Variants in PLXNB3 observed in about 807,000 individuals in gnomAD.
The protein encoded by PLXNB3 is plexin B3, also known as plexin-B3.
A neutral mutation model predicts 125.7 loss-of-function variants in PLXNB3; 80 were observed. The observed-to-expected ratio is 0.64, with a 90% CI of 0.53 to 0.77. The LOEUF (loss-of-function observed/expected upper bound fraction) is 0.77, where lower values mean the gene tolerates loss of function less well. Among genes scored for constraint, PLXNB3 ranks in the 30% least tolerant of loss-of-function variants. The probability of loss-of-function intolerance (pLI) is 0.00; values close to 1 mark genes in which losing one functional copy is unlikely to be tolerated. For missense variants in PLXNB3, 1,836 were observed against 1,729.3 expected, an observed-to-expected ratio of 1.06 and a Z score of -1.09; for synonymous variants, 954 against 783.3, an observed-to-expected ratio of 1.22 and a Z score of -3.64.
intron 30 of PLXNB3, 24 bp downstream of exon 30, chrX:153,777,404 G>A: frequency 8.4e-7 from 1 of 1,184,706 alleles, no homozygotes; most frequent in Non-Finnish European, 1.1e-6. Context: ...GGGTGGCTGG[G>A]CCTGAGAGGA....
intron 1 of PLXNB3, among the ~76,000 whole-genome samples, chrX:153,764,907 A>G (rs1207579794): frequency 8.9e-6 from 1 of 112,844 alleles, no homozygotes; most frequent in Non-Finnish European, 1.9e-5. Context: ...GCTCGCTGCC[A>G]CCATGCTGTA....
At position 153,775,379 on chromosome X, in the gene PLXNB3, G is replaced by A. The variant is rs1557063719; in HGVS notation, c.4310G>A (p.Arg1437Lys). Residue 1437 changes from arginine to lysine, a missense_variant, in exon 25 of 36, where the codon AGG (arginine) becomes AAG (lysine). Transcript: ENST00000361971. ...LGDLAAHYVH[R>K]NPKLMLRRTE... ...GACCTGGCGGCCCATTACGTGCACA[G>A]GAACCCCAAGCTCATGCTACGCAGG... is the stretch of plus-strand genomic sequence containing the variant. The A allele has an allele frequency of 1.7e-6, 2 of 1,207,844 alleles. No homozygotes were observed. Among genetic ancestry groups the A allele is most frequent in the Non-Finnish European group, 2.2e-6 (2 of 893,932 alleles).
At chrX:153,766,827 C>G in intron 2 of PLXNB3, 46 bp from the exon 3 acceptor site, 2 of 1,134,934 alleles carry the variant, frequency 1.8e-6, no homozygotes, top group East Asian at 6.4e-5. Context: ...CTCTGGTCCT[C>G]TATCTGCCTT....
chrX:153,776,792 G>T, intron 28 of PLXNB3, 95 bp from the exon 29 acceptor site: 1 of 522,537 alleles, frequency 1.9e-6, no homozygotes, highest in Non-Finnish European at 3.0e-6. Context: ...GGGCAGGGCG[G>T]GTCTGGGGCG....
At position 153,773,876 on chromosome X, in the gene PLXNB3, C is replaced by A. The variant is rs782255868; in HGVS notation, c.3297C>A (p.Ser1099=). The change falls in exon 20 of 36, where the codon TCC becomes TCA. Residue 1099 remains serine (S), a synonymous_variant. Transcript: ENST00000361971. ...GGLLQCSTVC[S]VNSSSLLLCR... is the part of the protein sequence containing the mutation. ...CCCCACAGTGCTCCACCGTCTGCTC[C>A]GTCAACTCGTCCAGCCTCCTCCTGT... 10 of 1,210,080 alleles carry A rather than the reference C, an allele frequency of 8.3e-6. No homozygotes were observed. In the Admixed American group the frequency reaches 1.3e-4, roughly 16 times the overall value.
chrX:153,775,039 C>T lies in PLXNB3; in HGVS notation c.4091C>T (p.Ala1364Val). The part of the protein sequence containing the change: ...PEGPGEDGHC[A>V]TVRQGLTQLS... ...GGGCCAGGGGAGGACGGCCACTGTG[C>T]CACTGTGCGCCAGGGCCTCACGCAG... The change falls in exon 24 of 36, where the codon GCC becomes GTC. Residue 1364 changes from alanine (A) to valine (V), a missense_variant. Coordinates refer to ENST00000361971, the MANE Select transcript of PLXNB3 (RefSeq NM_005393.3). The T allele has an allele frequency of 8.3e-7, 1 of 1,209,195 alleles. No homozygotes were observed. Among genetic ancestry groups the T allele is most frequent in the Non-Finnish European group, 1.1e-6 (1 of 894,316 alleles).
In PLXNB3 at chrX:153,770,532, C is replaced by T. The variant is rs782775543; in HGVS notation, c.1900C>T (p.Arg634Cys). The change falls in exon 10 of 36, where the codon CGC becomes TGC. Residue 634 changes from arginine to cysteine, a missense_variant. By Grantham distance (180) the Arg-to-Cys change is radical (BLOSUM62 -3). Transcript: ENST00000361971. ...GCAGCCACCCTGCCCCTCTAGGTGT[C>T]GCGCTTGCGTGGGCAGCATCTGGCG... ...VQALEAAAPCRACVGSIWRCH... is the reference protein window; with the variant it reads ...VQALEAAAPCCACVGSIWRCH... 8.3e-6 allele frequency: 10 copies of T among 1,209,520 alleles called. No homozygotes were observed. The highest frequency in any genetic ancestry group is 2.2e-5 in the Admixed American group (1 of 46,021).
rs369074199 is a variant in PLXNB3 at position 153,777,338 on chromosome X, G to T, written c.5058G>T (p.Lys1686Asn). 2.2e-5 allele frequency: 27 copies of T among 1,203,973 alleles called. No individual in the cohort carries two copies. The highest frequency in any genetic ancestry group is 3.5e-5 in the African/African-American group (2 of 57,495). Residue 1686 changes from lysine (K) to asparagine (N), a missense_variant, in exon 30 of 36, where the codon AAG (lysine) becomes AAT (asparagine). Lys to Asn is a moderately conservative substitution (Grantham distance 94). Transcript: ENST00000361971. The part of the protein sequence containing the change: ...SLREREPARA[K>N]AIPEIYLTRL... ...GGGAGCGCGAGCCAGCAAGGGCCAAGGCCATTCCGGAAATCTACCTCACCC... is the reference window on the plus strand; with the variant it reads ...GGGAGCGCGAGCCAGCAAGGGCCAATGCCATTCCGGAAATCTACCTCACCC...
At chrX:153,776,280 C>T (rs1366902778) in intron 27 of PLXNB3, 66 bp downstream of exon 27, 3 of 1,069,559 alleles carry the variant, frequency 2.8e-6, no homozygotes, top group South Asian at 4.0e-5. Flanking sequence ...ACCTGGAGCC[C>T]CTCAACTGTG....
At chrX:153,778,352 G>A (rs1557065262) in intron 33 of PLXNB3, 27 bp downstream of exon 33, 13 of 1,205,893 alleles carry the variant, frequency 1.1e-5, no homozygotes, top group South Asian at 8.8e-5. Context: ...TCGGGGCTGC[G>A]GGGAAGGGGG....
At position 153,771,931 on chromosome X, in the gene PLXNB3, G is replaced by T. The variant is rs138618805; in HGVS notation, c.2585G>T (p.Arg862Leu). 2.8e-4 allele frequency: 339 copies of T among 1,208,490 alleles called. No homozygotes were observed. The highest frequency in any genetic ancestry group is 2.9e-4 in the Non-Finnish European group (264 of 894,991). Residue 862 changes from arginine (R) to leucine (L), a missense_variant, in exon 15 of 36, where the codon CGG (arginine) becomes CTG (leucine). Transcript: ENST00000361971. ...ACCATCCTGGGCTCCAACCTGGGCCGGGCCTTCGCCGATGTGCAGTACGCC... is the reference window on the plus strand; with the variant it reads ...ACCATCCTGGGCTCCAACCTGGGCCTGGCCTTCGCCGATGTGCAGTACGCC... ...ALTILGSNLG[R>L]AFADVQYAVS... is the part of the protein sequence containing the mutation.
At position 153,778,266 on chromosome X, in the gene PLXNB3, C is replaced by T. The variant is rs1569542244; in HGVS notation, c.5415C>T (p.Ser1805=). The change falls in exon 33 of 36, where the codon TCC becomes TCT. Residue 1805 remains serine (S), a synonymous_variant. Transcript: ENST00000361971. The stretch of plus-strand genomic sequence containing the variant: ...CTCCCCTCCCTCCGGAGCAGGATTC[C>T]CCAGTGAACAAACTGCTCTACGCCC... ...TTSEHKVGRD[S]PVNKLLYARE... is the part of the protein sequence containing the mutation. The T allele has an allele frequency of 8.3e-7, 1 of 1,197,864 alleles. No individual in the cohort carries two copies. The highest frequency in any genetic ancestry group is 2.2e-5 in the Admixed American group (1 of 45,489).
intron 24 of PLXNB3, 28 bp downstream of exon 24, chrX:153,775,131 G>A (rs2091971989): frequency 8.5e-7 from 1 of 1,174,458 alleles, no homozygotes; most frequent in Non-Finnish European, 1.1e-6. Context: ...GGAGTGCCCA[G>A]TGGGCAAGGA....
chrX:153,773,082 T>C lies in PLXNB3; in HGVS notation c.2906+66T>C, dbSNP rs782131127. ...CATAGGCCTCAGTGGGGGTGGTACA[T>C]TTAGAGAAGTGGTTGCTGTGGCCAC... On this transcript the variant is annotated intron_variant, in intron 17 of 35. Coordinates refer to ENST00000361971, the MANE Select transcript of PLXNB3 (RefSeq NM_005393.3). 1.4e-4 allele frequency: 154 copies of C among 1,092,277 alleles called. 1 individual carries two copies. In the African/African-American group the frequency reaches 2.7e-3, roughly 19 times the overall value. 90.0% of individuals were successfully genotyped at this position (1,092,277 alleles called of 1,213,427 possible).
chrX:153,775,491 C>T (rs1473896176), intron 25 of PLXNB3, 88 bp downstream of exon 25: 9 of 1,128,192 alleles, frequency 8.0e-6, no homozygotes, highest in Middle Eastern at 2.4e-4. Flanking sequence ...TGTCCAGGGG[C>T]GGGTGGGGCC....
At position 153,778,343 on chromosome X, in the gene PLXNB3, CG is replaced by C. The variant is rs1488171458; in HGVS notation, c.5474+22del. 1.7e-6 allele frequency: 2 copies of C among 1,205,432 alleles called. No homozygotes were observed. Among genetic ancestry groups the C allele is most frequent in the East Asian group, 5.9e-5 (2 of 33,669 alleles). ...GTGGAGAGGTGGGTGTCAGAGGCAT[CG>C]GGGCTGCGGGGAAGGGGGCTGCCCC... is the stretch of plus-strand genomic sequence containing the variant. On this transcript the variant is annotated intron_variant, in intron 33 of 35. Coordinates refer to ENST00000361971, the MANE Select transcript of PLXNB3 (RefSeq NM_005393.3).
At chrX:153,766,631 A>G (rs963972804) in intron 2 of PLXNB3, 7 of 751,350 alleles carry the variant, frequency 9.3e-6, no homozygotes, top group Admixed American at 8.7e-5. Context: ...GCGTGCGTGC[A>G]TGCACCCCTC....
In PLXNB3 at chrX:153,778,491, G is replaced by A. The variant is rs199686388; in HGVS notation, c.5550+20G>A. 240 of 1,201,599 alleles carry A rather than the reference G, an allele frequency of 2.0e-4. No homozygotes were observed. Among genetic ancestry groups the A allele is most frequent in the African/African-American group, 1.9e-3 (108 of 57,241 alleles). On this transcript the variant is annotated intron_variant, in intron 34 of 35. Transcript: ENST00000361971. ...TCCGGGGTGAGGCATGGCCCGGGGG[G>A]TGCGCCTGTCCACACGTGGGTGGAA... is the stretch of plus-strand genomic sequence containing the variant.
chrX:153,776,765 C>A lies in PLXNB3; in HGVS notation c.4834-122C>A, dbSNP rs1421810393. 17 of 299,863 alleles carry A rather than the reference C, an allele frequency of 5.7e-5. No individual in the cohort carries two copies. The South Asian group carries it at 8.9e-4, about 16-fold the overall frequency. The allele number at this position is 299,863 out of a possible 1,213,427, so 24.7% of individuals were successfully genotyped here. ...AGGGAAGGGCAGGGATGGGGTGGGG[C>A]AGGGTGAGGCGAGGCAGGGCAGGGC... On this transcript the variant is annotated intron_variant, in intron 28 of 35. Coordinates refer to ENST00000361971, the MANE Select transcript of PLXNB3 (RefSeq NM_005393.3).
Sources: gnomAD v4.1 joint callset for allele counts (sites outside exome capture counted in the v4.1 genomes callset) on GRCh38, gnomAD v4.1.1 for gene constraint, MANE v1.5 for transcripts, NCBI Gene and HGNC (gene_info 2026-07-23, HGNC 2026-07-21) for gene names.